The following ITPKB variants were observed in gnomAD, a reference collection of about 807,000 sequenced individuals.
ITPKB encodes the protein inositol-trisphosphate 3-kinase B, also known as IP3 3-kinase B.
In ITPKB, 13 loss-of-function variants were observed where a neutral mutation model predicts 69.4. The ratio of observed to expected loss-of-function variants is 0.19; its 90% CI spans 0.12 to 0.30. The LOEUF is 0.30. Among genes scored for constraint, ITPKB ranks in the 10% least tolerant of loss-of-function variants. ITPKB has a pLI of 1.00. For missense variants in ITPKB, 1,240 were observed against 1,250.5 expected, an observed-to-expected ratio of 0.99 and a Z score of 0.13; for synonymous variants, 584 against 513.7, an observed-to-expected ratio of 1.14 and a Z score of -1.85.
chr1:226,664,805 G>A (rs934463332), intron 2 of ITPKB, among the ~76,000 whole-genome samples: 18 of 152,218 alleles, frequency 1.2e-4, no homozygotes, highest in South Asian at 4.1e-4. Flanking sequence ...CCAAAGAGGC[G>A]CATGGAAAGT....
At chr1:226,666,229 G>A (rs1669501043) in intron 2 of ITPKB, among the ~76,000 whole-genome samples, 1 of 152,196 alleles carries the variant, frequency 6.6e-6, no homozygotes, top group Admixed American at 6.5e-5. Flanking sequence ...TGGCACGGTG[G>A]GATCTGGTGC....
chr1:226,717,984 C>T (rs866091730), intron 2 of ITPKB, among the ~76,000 whole-genome samples: 12 of 152,220 alleles, frequency 7.9e-5, no homozygotes, highest in Admixed American at 2.6e-4. Context: ...AAAAAATTAA[C>T]ATCGCCAGCC....
In ITPKB at chr1:226,637,754, G is replaced by A. The variant is rs1430899164; in HGVS notation, c.2554-4C>T. ...TCAGCCGGTCCCGATAGGCGATCTGGGAATAGAAAGAGGACCAGATTTTTA... is the reference window on the plus strand; with the variant it reads ...TCAGCCGGTCCCGATAGGCGATCTGAGAATAGAAAGAGGACCAGATTTTTA... On this transcript the variant is annotated splice_polypyrimidine_tract_variant and splice_region_variant and intron_variant, in intron 6 of 7. Coordinates refer to ENST00000429204, the MANE Select transcript of ITPKB (RefSeq NM_002221.4). The surrounding 1 kb of genome is among the most constrained non-coding windows in gnomAD (Gnocchi z 4.3). 1 of 1,612,378 alleles carries A rather than the reference G, an allele frequency of 6.2e-7. No individual in the cohort carries two copies. Among genetic ancestry groups the A allele is most frequent in the Admixed American group, 1.7e-5 (1 of 59,948 alleles).
chr1:226,675,216 G>A (rs1002694128), intron 2 of ITPKB: 1 of 151,932 alleles, frequency 6.6e-6, no homozygotes, highest in African/African-American at 2.4e-5. Context: ...CGACCCACCG[G>A]GTGCTGAGGA....
intron 7 of ITPKB, among the ~76,000 whole-genome samples, chr1:226,635,505 C>A (rs1394123509): frequency 6.6e-6 from 1 of 152,190 alleles, no homozygotes; most frequent in Non-Finnish European, 1.5e-5. Flanking sequence ...AGATTACGGG[C>A]ATGAATCACA....
intron 2 of ITPKB, among the ~76,000 whole-genome samples, chr1:226,712,978 T>C (rs1347136353): frequency 3.3e-5 from 5 of 151,466 alleles, no homozygotes; most frequent in African/African-American, 7.3e-5. Flanking sequence ...CCCACACTTA[T>C]CTACACACCC....
At chr1:226,636,939 T>G (rs1486977081) in intron 7 of ITPKB, among the ~76,000 whole-genome samples, 2 of 152,128 alleles carry the variant, frequency 1.3e-5, no homozygotes, top group Admixed American at 1.3e-4. Flanking sequence ...GTGATTGATC[T>G]GCATGTGTGT....
chr1:226,671,762 CAGAG>C (rs1328753970), intron 2 of ITPKB, among the ~76,000 whole-genome samples: 6 of 152,138 alleles, frequency 3.9e-5, no homozygotes, highest in African/African-American at 2.4e-5. Flanking sequence ...GCACTGCAGA[CAGAG>C]GGAGCGGTCA....
In ITPKB at chr1:226,637,603, G is replaced by T; in HGVS notation, c.2625+76C>A. On this transcript the variant is annotated intron_variant, in intron 7 of 7. Coordinates refer to ENST00000429204, the MANE Select transcript of ITPKB (RefSeq NM_002221.4). This position sits in a 1 kb window ranked among gnomAD's most constrained non-coding sequence, Gnocchi z 4.3. ...ACCCTGAAAATGCCCGATGCCCCGG[G>T]CTTCTGGAAGGAGAAGGAGAAGGCC... 1 of 1,187,600 alleles carries T rather than the reference G, an allele frequency of 8.4e-7. No homozygotes were observed. Among genetic ancestry groups the T allele is most frequent in the Non-Finnish European group, 1.2e-6 (1 of 800,418 alleles). 73.6% of individuals were successfully genotyped at this position (1,187,600 alleles called of 1,614,324 possible).
chr1:226,632,547 GTAAC>G lies in ITPKB; in HGVS notation c.*2120_*2123del, dbSNP rs770326846. 1 of 152,096 alleles carries G rather than the reference GTAAC, an allele frequency of 6.6e-6. No homozygotes were observed. The highest frequency in any genetic ancestry group is 1.5e-5 in the Non-Finnish European group (1 of 67,980). The allele number at this position is 152,096 out of a possible 1,614,324, so 9.4% of individuals were successfully genotyped here. A position where few individuals can be genotyped will look rare whatever the true frequency, so the allele number is the denominator to read the frequency against. ...AAAAAACAGAAAACAAAAACCCTAA[GTAAC>G]AGAATAACCCTAAAATGATGCTACT... On this transcript the variant is annotated 3_prime_UTR_variant, in exon 8 of 8. Coordinates refer to ENST00000429204, the MANE Select transcript of ITPKB (RefSeq NM_002221.4).
Position 226,735,724 on chromosome 1 carries a change from C to A in ITPKB, c.1735G>T (p.Asp579Tyr). The change falls in exon 2 of 8, where the codon GAT becomes TAT. Residue 579 changes from aspartate (D) to tyrosine (Y), a missense_variant. Physicochemically the swap from Asp to Tyr is radical, Grantham distance 160 (BLOSUM62 -3). Around this residue, in one of 2 missense-constraint regions of ITPKB, gnomAD observed 992 missense variants for 853.8 expected, o/e 1.16. Coordinates refer to ENST00000429204, the MANE Select transcript of ITPKB (RefSeq NM_002221.4). Reference protein sequence around the residue: ...VIITDMGTQEDGALEETQGSP... With the variant: ...VIITDMGTQEYGALEETQGSP... ...CCCTGCGTCTCCTCCAAGGCCCCAT[C>A]CTCCTGGGTGCCCATGTCTGTAATG... 6.3e-7 allele frequency: 1 copy of A among 1,586,408 alleles called. No individual in the cohort carries two copies. The highest frequency in any genetic ancestry group is 8.6e-7 in the Non-Finnish European group (1 of 1,163,390).
rs773508986 is a variant in ITPKB, at chr1:226,736,510, G to C, written c.949C>G (p.Arg317Gly). The change falls in exon 2 of 8, where the codon CGT (arginine) becomes GGT (glycine). Residue 317 changes from arginine to glycine, a missense_variant. By Grantham distance (125) the Arg-to-Gly change is moderately radical. Transcript: ENST00000429204. ...TCAGTGAGGGCAAGATCCTGTGGAC[G>C]GTGTGGCCCAGTGGATGTAACTCTC... ...AARVTSTGPH[R>G]PQDLALTEPS... The C allele has an allele frequency of 2.5e-6, 4 of 1,614,026 alleles. No homozygotes were observed. Among genetic ancestry groups the C allele is most frequent in the Non-Finnish European group, 3.4e-6 (4 of 1,180,048 alleles).
chr1:226,650,942 C>T (rs1252238249), intron 2 of ITPKB, among the ~76,000 whole-genome samples: 1 of 152,184 alleles, frequency 6.6e-6, no homozygotes, highest in Non-Finnish European at 1.5e-5. Context: ...AGCAATGGCC[C>T]CTCCGAGGAA....
intron 2 of ITPKB, among the ~76,000 whole-genome samples, chr1:226,660,783 G>C (rs546456988): frequency 7.5e-4 from 115 of 152,348 alleles, no homozygotes; most frequent in Non-Finnish European, 1.2e-3. Flanking sequence ...AAGAGCACGA[G>C]GCGGATGGGC....
chr1:226,638,390 A>G (rs1668883094), intron 6 of ITPKB, among the ~76,000 whole-genome samples: 1 of 152,204 alleles, frequency 6.6e-6, no homozygotes, highest in African/African-American at 2.4e-5. Context: ...AAGATTTCCC[A>G]GTTCCAGCCG....
intron 2 of ITPKB, among the ~76,000 whole-genome samples, chr1:226,717,374 T>C (rs1253528212): frequency 6.6e-6 from 1 of 152,130 alleles, no homozygotes; most frequent in Admixed American, 6.5e-5. Flanking sequence ...TTTGGCTTAA[T>C]TACAATAAAA....
chr1:226,693,469 C>T (rs1429628357), intron 2 of ITPKB, among the ~76,000 whole-genome samples: 1 of 152,140 alleles, frequency 6.6e-6, no homozygotes, highest in African/African-American at 2.4e-5. Flanking sequence ...TGCCTGTCCC[C>T]CTACTGACAT....
At chr1:226,663,636 C>T (rs903392018) in intron 2 of ITPKB, among the ~76,000 whole-genome samples, 1 of 152,138 alleles carries the variant, frequency 6.6e-6, no homozygotes, top group African/African-American at 2.4e-5. Context: ...CCTCCTGCCT[C>T]AGCCTCCCTA....
In ITPKB at chr1:226,737,144, G is replaced by T. The variant is rs767667838; in HGVS notation, c.315C>A (p.Arg105=). The T allele has an allele frequency of 2.4e-5, 38 of 1,600,322 alleles. No homozygotes were observed. The highest frequency in any genetic ancestry group is 3.1e-5 in the Non-Finnish European group (36 of 1,179,466). The change falls in exon 2 of 8, where the codon CGC becomes CGA. Residue 105 remains arginine (R), a synonymous_variant. Transcript: ENST00000429204. The part of the protein sequence containing the change: ...SSVSSPSWAG[R]LRGDRQQVVA... ...CCACCTGCTGCCGGTCCCCTCGCAG[G>T]CGACCAGCCCAACTTGGGCTGCTCA... is the stretch of plus-strand genomic sequence containing the variant.
Sources: gnomAD v4.1 joint callset for allele counts (sites outside exome capture counted in the v4.1 genomes callset) on GRCh38, gnomAD v4.1.1 for gene constraint, gnomAD v4.1.1 regional missense constraint, Gnocchi (gnomAD v3.1) non-coding constraint, MANE v1.5 for transcripts, NCBI Gene and HGNC (gene_info 2026-07-23, HGNC 2026-07-21) for gene names.